RUNX2: variants seen among roughly 807,000 people sequenced by gnomAD.
RUNX2 encodes the protein RUNX family transcription factor 2, also known as runt-related transcription factor 2.
RUNX2 carries 10 observed loss-of-function variants against 51.7 expected under a neutral mutation model. The ratio of observed to expected loss-of-function variants is 0.19; its 90% CI spans 0.12 to 0.33. The LOEUF is 0.33. Ranked by LOEUF, RUNX2 falls within the 10% of genes least tolerant of loss-of-function variation. The pLI is 1.00. For missense variants in RUNX2, 562 were observed against 691.3 expected (o/e 0.81, Z 2.10); for synonymous variants, 276 against 273.6 (o/e 1.01, Z -0.09).
rs191434422 is a variant in RUNX2, at chr6:45,535,236, A to G, written c.1022-9981A>G. Reference sequence around the variant, plus strand: ...AACAAACCTGCACATGTACCCTTGAACTTAAAAGTTAAATTAAAAAAAAAG... The same window carrying G: ...AACAAACCTGCACATGTACCCTTGAGCTTAAAAGTTAAATTAAAAAAAAAG... On this transcript the variant is annotated intron_variant, in intron 7 of 8. Transcript: ENST00000647337. Among the ~76,000 whole-genome samples, 513 of 151,014 alleles carry G rather than the reference A, an allele frequency of 3.4e-3. 4 individuals are homozygous for G. Among genetic ancestry groups the G allele is most frequent in the African/African-American group, 0.012 (476 of 41,356 alleles).
chr6:45,386,315 C>T lies in RUNX2; in HGVS notation c.59-36278C>T, dbSNP rs571247827. Among the ~76,000 whole-genome samples, 7 of 152,310 alleles carry T rather than the reference C, an allele frequency of 4.6e-5. No homozygotes were observed. In the South Asian group the frequency reaches 1.4e-3, roughly 32 times the overall value. On this transcript the variant is annotated intron_variant, in intron 2 of 8. Transcript: ENST00000647337. ...CTGCCGACCTCAGGTGATCTGCCCA[C>T]CTCGGCCTCCCAAAGTGCTGGGATT... is the stretch of plus-strand genomic sequence containing the variant.
At position 45,513,857 on chromosome 6, in the gene RUNX2, G is replaced by C. The variant is rs76229473; in HGVS notation, c.1021+1450G>C. Among the ~76,000 whole-genome samples the C allele has an allele frequency of 9.8e-3, 1,493 of 152,280 alleles. 25 individuals are homozygous for C. Among genetic ancestry groups the C allele is most frequent in the African/African-American group, 0.034 (1,406 of 41,530 alleles). On this transcript the variant is annotated intron_variant, in intron 7 of 8. Coordinates refer to ENST00000647337, the MANE Select transcript of RUNX2 (RefSeq NM_001024630.4). ...TCAGGCAAACATTAATTAAAGGTACGGGAAAGGATGAGTAAGGCACAGTGG... is the reference window on the plus strand; with the variant it reads ...TCAGGCAAACATTAATTAAAGGTACCGGAAAGGATGAGTAAGGCACAGTGG...
At chr6:45,485,210 T>C (rs1800235313) in intron 5 of RUNX2, among the ~76,000 whole-genome samples, 1 of 151,698 alleles carries the variant, frequency 6.6e-6, no homozygotes, top group Admixed American at 6.6e-5. Context: ...TTTTTTTTCT[T>C]TTTTGAGACG....
At chr6:45,520,389 T>C (rs1801469096) in intron 7 of RUNX2, among the ~76,000 whole-genome samples, 1 of 152,236 alleles carries the variant, frequency 6.6e-6, no homozygotes, top group Non-Finnish European at 1.5e-5. Flanking sequence ...GAACATCTAC[T>C]GTTTGGTGGT....
chr6:45,457,970 C>T (rs900048923), intron 5 of RUNX2, among the ~76,000 whole-genome samples: 3 of 151,292 alleles, frequency 2.0e-5, no homozygotes, highest in Non-Finnish European at 4.4e-5. Context: ...TGAAGGCTCT[C>T]TGACAGTCTA....
chr6:45,502,708 T>G (rs1481150229), intron 6 of RUNX2, among the ~76,000 whole-genome samples: 1 of 152,216 alleles, frequency 6.6e-6, no homozygotes, highest in East Asian at 1.9e-4. Flanking sequence ...CACCCTTTCC[T>G]GCACGCCTGG....
At chr6:45,356,240 G>A (rs529122188) in intron 2 of RUNX2, among the ~76,000 whole-genome samples, 29 of 151,064 alleles carry the variant, frequency 1.9e-4, no homozygotes, top group African/African-American at 6.3e-4. Context: ...AATCTACATA[G>A]GTGTCCAAAA....
chr6:45,329,023 T>C (rs1445467292), intron 2 of RUNX2, among the ~76,000 whole-genome samples: 1 of 151,998 alleles, frequency 6.6e-6, no homozygotes, highest in Non-Finnish European at 1.5e-5. Context: ...CTCACATTGA[T>C]CAAAATGTTT....
At chr6:45,491,578 A>C (rs1252113144) in intron 5 of RUNX2, among the ~76,000 whole-genome samples, 1 of 149,442 alleles carries the variant, frequency 6.7e-6, no homozygotes, top group Non-Finnish European at 1.5e-5. Context: ...GATTTCCTCC[A>C]TCATGAAACA....
chr6:45,488,085 C>T (rs1800337414), intron 5 of RUNX2, among the ~76,000 whole-genome samples: 1 of 152,096 alleles, frequency 6.6e-6, no homozygotes, highest in African/African-American at 2.4e-5. Flanking sequence ...GAAAAGGAGA[C>T]AGATTTTCAG....
intron 3 of RUNX2, among the ~76,000 whole-genome samples, chr6:45,426,133 AATTT>A (rs1471693346): frequency 2.0e-5 from 3 of 152,320 alleles, no homozygotes; most frequent in Middle Eastern, 3.4e-3. Flanking sequence ...GATGATATAA[AATTT>A]ATTTATTTTT....
chr6:45,332,082 A>T (rs1787627723), intron 2 of RUNX2, among the ~76,000 whole-genome samples: 1 of 151,998 alleles, frequency 6.6e-6, no homozygotes, highest in Admixed American at 6.6e-5. Context: ...AATACTTTAA[A>T]GCAGCGCTAA....
intron 2 of RUNX2, among the ~76,000 whole-genome samples, chr6:45,369,738 C>T (rs1012966947): frequency 6.6e-5 from 10 of 152,086 alleles, no homozygotes; most frequent in African/African-American, 2.4e-4. Flanking sequence ...ATAGTAGTGA[C>T]TAAGTCAGAC....
At chr6:45,539,763 G>T (rs2150446599) in intron 7 of RUNX2, among the ~76,000 whole-genome samples, 1 of 152,302 alleles carries the variant, frequency 6.6e-6, no homozygotes, top group African/African-American at 2.4e-5. Context: ...ATTTTTTGAA[G>T]CATCTGTCTT....
chr6:45,384,486 T>C (rs1797307954), intron 2 of RUNX2, among the ~76,000 whole-genome samples: 2 of 152,164 alleles, frequency 1.3e-5, no homozygotes, highest in African/African-American at 4.8e-5. Context: ...CATTTTGTTA[T>C]GTTGGCAAGG....
chr6:45,449,177 C>T (rs1799086578), intron 5 of RUNX2, among the ~76,000 whole-genome samples: 1 of 152,144 alleles, frequency 6.6e-6, no homozygotes, highest in Non-Finnish European at 1.5e-5. Context: ...ATCTTTGTGA[C>T]CTTAAGCAAA....
intron 5 of RUNX2, among the ~76,000 whole-genome samples, chr6:45,477,989 A>G (rs559623721): frequency 6.6e-6 from 1 of 151,374 alleles, no homozygotes; most frequent in South Asian, 2.1e-4. Flanking sequence ...GCTTCACTCT[A>G]TACTTTCTCA....
At chr6:45,474,069 G>T (rs751427221) in intron 5 of RUNX2, among the ~76,000 whole-genome samples, 13 of 152,090 alleles carry the variant, frequency 8.5e-5, no homozygotes, top group Non-Finnish European at 1.8e-4. Context: ...AATATGATTT[G>T]TCAACCCTGA....
chr6:45,512,174 G>A, intron 6 of RUNX2, 72 bp from the exon 7 acceptor site: 2 of 1,482,152 alleles, frequency 1.3e-6, no homozygotes, highest in Admixed American at 3.4e-5. Context: ...TTTCCTTTCT[G>A]AGTTTTGGGT....
Sources: allele counts gnomAD v4.1 joint callset (sites outside exome capture counted in the v4.1 genomes callset), GRCh38; gene constraint gnomAD v4.1.1; transcripts MANE v1.5; gene names NCBI Gene and HGNC (gene_info 2026-07-23, HGNC 2026-07-21).